The following ITGA8 variants were observed in gnomAD, a reference collection of about 807,000 sequenced individuals.
ITGA8 encodes integrin alpha-8.
In ITGA8, 91 loss-of-function variants were observed where a neutral mutation model predicts 142.3. The observed-to-expected ratio is 0.64, with a 90% CI of 0.54 to 0.76. The LOEUF (loss-of-function observed/expected upper bound fraction) is 0.76, where lower values mean the gene tolerates loss of function less well. Ranked by LOEUF, ITGA8 falls within the 30% of genes least tolerant of loss-of-function variation. The pLI, the probability that ITGA8 is intolerant of heterozygous loss-of-function variation, is 0.00. For missense variants in ITGA8, 1,406 were observed against 1,327.7 expected, an observed-to-expected ratio of 1.06 and a Z score of -0.92; for synonymous variants, 505 against 485.2, an observed-to-expected ratio of 1.04 and a Z score of -0.54.
intron 23 of ITGA8, among the ~76,000 whole-genome samples, chr10:15,583,010 A>G (rs1397665370): frequency 6.6e-6 from 1 of 152,246 alleles, no homozygotes; most frequent in Non-Finnish European, 1.5e-5. Context: ...TCAAATGTTC[A>G]CCAATGAGTG....
At chr10:15,557,264 C>T (rs555351836) in intron 26 of ITGA8, among the ~76,000 whole-genome samples, 19 of 152,218 alleles carry the variant, frequency 1.2e-4, no homozygotes, top group African/African-American at 4.6e-4. Flanking sequence ...CCTGTAGCCC[C>T]AGCTACTCGG....
intron 25 of ITGA8, among the ~76,000 whole-genome samples, chr10:15,562,740 C>A (rs898804383): frequency 2.6e-5 from 4 of 152,126 alleles, no homozygotes; most frequent in African/African-American, 9.7e-5. Context: ...GTGCATGGAC[C>A]GGAGGGTAGG....
chr10:15,656,020 G>A (rs2131665940), intron 10 of ITGA8, among the ~76,000 whole-genome samples: 1 of 152,126 alleles, frequency 6.6e-6, no homozygotes, highest in South Asian at 2.1e-4. Flanking sequence ...GGGAGGTCAA[G>A]GCTGCAGTGA....
chr10:15,716,591 C>T (rs1035399436), intron 2 of ITGA8, among the ~76,000 whole-genome samples: 1 of 151,878 alleles, frequency 6.6e-6, no homozygotes, highest in Non-Finnish European at 1.5e-5. Flanking sequence ...CATCTTTCAG[C>T]ATTAGTTCTG....
chr10:15,593,798 A>G (rs1332340692), intron 21 of ITGA8, among the ~76,000 whole-genome samples: 1 of 151,388 alleles, frequency 6.6e-6, no homozygotes, highest in Non-Finnish European at 1.5e-5. Flanking sequence ...CACAGCTGGT[A>G]TAGCTAGTAT....
At chr10:15,539,290 T>C (rs925843740) in intron 27 of ITGA8, among the ~76,000 whole-genome samples, 1 of 152,142 alleles carries the variant, frequency 6.6e-6, no homozygotes, top group Non-Finnish European at 1.5e-5. Flanking sequence ...ATAAAAGGTA[T>C]CAAAACACCT....
intron 12 of ITGA8, among the ~76,000 whole-genome samples, chr10:15,645,083 ACT>A (rs1219030498): frequency 8.8e-6 from 1 of 113,700 alleles, no homozygotes; most frequent in African/African-American, 3.6e-5. Flanking sequence ...TGGGTGACAG[ACT>A]CTGTCTCAAA....
intron 11 of ITGA8, 60 bp downstream of exon 11, chr10:15,655,294 A>G: frequency 8.8e-7 from 1 of 1,131,396 alleles, no homozygotes; most frequent in Non-Finnish European, 1.3e-6. Context: ...TGAAGGAAAA[A>G]CATAACATCT....
intron 26 of ITGA8, among the ~76,000 whole-genome samples, chr10:15,557,595 C>T (rs1004813635): frequency 1.1e-4 from 16 of 152,126 alleles, no homozygotes; most frequent in African/African-American, 3.9e-4. Flanking sequence ...TCAAGGGATC[C>T]TCCCACCTTG....
intron 27 of ITGA8, among the ~76,000 whole-genome samples, chr10:15,533,092 G>C (rs1833345292): frequency 6.6e-6 from 1 of 152,082 alleles, no homozygotes; most frequent in Non-Finnish European, 1.5e-5. Flanking sequence ...GTACATCACT[G>C]TCTATAATCC....
chr10:15,586,677 G>C lies in ITGA8; in HGVS notation c.2292-13C>G. ...GTCCTTGTTGGAACTAAAACACAAG[G>C]ACATGTGATTTAAATCTATCTGCTC... is the stretch of plus-strand genomic sequence containing the variant. On this transcript the variant is annotated splice_polypyrimidine_tract_variant and intron_variant, in intron 22 of 29. Transcript: ENST00000378076. 1 of 1,530,954 alleles carries C rather than the reference G, an allele frequency of 6.5e-7. No individual in the cohort carries two copies. The highest frequency in any genetic ancestry group is 1.1e-5 in the South Asian group (1 of 89,272). The allele number at this position is 1,530,954 out of a possible 1,614,324, so 94.8% of individuals were successfully genotyped here. A position where few individuals can be genotyped will look rare whatever the true frequency, so the allele number is the denominator to read the frequency against.
chr10:15,612,274 C>T (rs964767097), intron 15 of ITGA8, among the ~76,000 whole-genome samples: 2 of 152,150 alleles, frequency 1.3e-5, no homozygotes, highest in Non-Finnish European at 2.9e-5. Context: ...CACCCTCCAC[C>T]CTCAAAAGCT....
chr10:15,643,579 G>A (rs1031161464), intron 13 of ITGA8, among the ~76,000 whole-genome samples: 12 of 152,128 alleles, frequency 7.9e-5, no homozygotes, highest in Non-Finnish European at 1.8e-4. Flanking sequence ...ACCATGATGG[G>A]CCAAGCTGGA....
intron 27 of ITGA8, among the ~76,000 whole-genome samples, chr10:15,532,431 A>AAAAAGAAAAG (rs1554769476): frequency 1.6e-4 from 22 of 139,144 alleles, no homozygotes; most frequent in African/African-American, 5.2e-4. Flanking sequence ...AAAAAAAAAA[A>AAAAAGAAAAG]AAAAAAAAAA....
intron 28 of ITGA8, among the ~76,000 whole-genome samples, chr10:15,522,086 A>C (rs1304714760): frequency 1.3e-5 from 2 of 152,200 alleles, no homozygotes; most frequent in Admixed American, 6.5e-5. Context: ...AATAGCCAGA[A>C]GAGATTTGAA....
At chr10:15,586,736 C>A (rs1018124908) in intron 22 of ITGA8, 72 bp from the exon 23 acceptor site, 2 of 866,872 alleles carry the variant, frequency 2.3e-6, no homozygotes, top group Admixed American at 3.7e-5. Flanking sequence ...TCATAAAAAA[C>A]ATTCTACATA....
intron 13 of ITGA8, 47 bp from the exon 14 acceptor site, chr10:15,616,606 C>T (rs769357960): frequency 2.0e-6 from 3 of 1,516,468 alleles, no homozygotes; most frequent in Middle Eastern, 1.7e-4. Context: ...CGTATAGAAA[C>T]AATTTACTAA....
chr10:15,638,047 TTAGTA>T (rs1449929015), intron 13 of ITGA8, among the ~76,000 whole-genome samples: 1 of 152,158 alleles, frequency 6.6e-6, no homozygotes, highest in Admixed American at 6.6e-5. Flanking sequence ...GCACTAATAA[TTAGTA>T]TAATTGAAAA....
At chr10:15,540,429 C>A (rs950572201) in intron 27 of ITGA8, among the ~76,000 whole-genome samples, 1 of 152,172 alleles carries the variant, frequency 6.6e-6, no homozygotes, top group Non-Finnish European at 1.5e-5. Flanking sequence ...CTTAACATAG[C>A]CTCCAGTTCC....
Sources: allele counts gnomAD v4.1 joint callset (sites outside exome capture counted in the v4.1 genomes callset), GRCh38; gene constraint gnomAD v4.1.1; transcripts MANE v1.5; gene names NCBI Gene and HGNC (gene_info 2026-07-23, HGNC 2026-07-21).